Variants in FBXL5 observed in about 807,000 individuals in gnomAD.
FBXL5 encodes F-box/LRR-repeat protein 5.
FBXL5 carries 26 observed loss-of-function variants against 78.3 expected under a neutral mutation model. That is an observed-to-expected ratio of 0.33 (90% confidence interval 0.24 to 0.46). FBXL5 has a LOEUF of 0.46. FBXL5 is among the 20% of genes least tolerant of loss of function. The pLI is 1.00. For missense variants in FBXL5, 710 were observed against 829.2 expected, an observed-to-expected ratio of 0.86 and a Z score of 1.77; for synonymous variants, 295 against 282.5, an observed-to-expected ratio of 1.04 and a Z score of -0.45.
chr4:15,630,459 G>A (rs1045157193), intron 6 of FBXL5, among the ~76,000 whole-genome samples: 2 of 152,042 alleles, frequency 1.3e-5, no homozygotes, highest in African/African-American at 2.4e-5. Flanking sequence ...ATATAAAAAC[G>A]AGAAATAATC....
At chr4:15,636,766 TG>T in intron 4 of FBXL5, 90 bp from the exon 5 acceptor site, 1 of 923,236 alleles carries the variant, frequency 1.1e-6, no homozygotes, top group South Asian at 2.0e-5. Context: ...CAAAATCCAG[TG>T]CCTGAAGTCA....
chr4:15,648,791 C>A (rs1715631668), intron 1 of FBXL5, among the ~76,000 whole-genome samples: 1 of 152,098 alleles, frequency 6.6e-6, no homozygotes, highest in African/African-American at 2.4e-5. Context: ...ATATAAGGTA[C>A]AGTATGGTGA....
chr4:15,645,847 C>T (rs1488797043), intron 1 of FBXL5, among the ~76,000 whole-genome samples: 1 of 152,146 alleles, frequency 6.6e-6, no homozygotes, highest in Admixed American at 6.5e-5. Context: ...ATTAAATATT[C>T]ATTTTTTATA....
intron 1 of FBXL5, among the ~76,000 whole-genome samples, chr4:15,665,010 TGCA>T (rs993206062): frequency 6.6e-6 from 1 of 152,150 alleles, no homozygotes; most frequent in African/African-American, 2.4e-5. Flanking sequence ...CCACCCTTAA[TGCA>T]AAGGGCTTCT....
chr4:15,646,543 T>A (rs1463367473), intron 1 of FBXL5, among the ~76,000 whole-genome samples: 1 of 151,866 alleles, frequency 6.6e-6, no homozygotes, highest in Non-Finnish European at 1.5e-5. Context: ...TGCTAAATAT[T>A]TTTTATTATT....
upstream of FBXL5, among the ~76,000 whole-genome samples, chr4:15,664,183 G>T (rs7665915): frequency 6.6e-6 from 1 of 151,814 alleles, no homozygotes; most frequent in African/African-American, 2.4e-5. Context: ...CCATCACTCA[G>T]TATCTTAATA....
chr4:15,626,937 G>A lies in FBXL5; in HGVS notation c.1060C>T (p.Leu354Phe). The A allele has an allele frequency of 1.9e-6, 3 of 1,610,322 alleles. No homozygotes were observed. In the South Asian group the frequency reaches 3.3e-5, roughly 18 times the overall value. Reference protein sequence around the residue: ...SSKMVRQILELCPNLEHLDLT... With the variant: ...SSKMVRQILEFCPNLEHLDLT... ...TCCAGATGCTCCAGGTTAGGACAAA[G>A]CTCTAAAATCTGCCTAACCTAAAAG... Residue 354 changes from leucine (L) to phenylalanine (F), a missense_variant, in exon 8 of 11, where the codon CTT becomes TTT. By Grantham distance (22) the Leu-to-Phe change is conservative (BLOSUM62 0). Coordinates refer to ENST00000341285, the MANE Select transcript of FBXL5 (RefSeq NM_012161.4).
intron 1 of FBXL5, among the ~76,000 whole-genome samples, chr4:15,670,914 CTTTTTTTTTTTTTTT>C (rs57312794): frequency 1.8e-5 from 1 of 54,144 alleles, no homozygotes; most frequent in Non-Finnish European, 3.1e-5. Flanking sequence ...TGTGCGTAGA[CTTTTTTTTTTTTTTT>C]TTTTTTTTTT....
At chr4:15,622,071 G>A (rs1006371896) in intron 9 of FBXL5, among the ~76,000 whole-genome samples, 1 of 152,180 alleles carries the variant, frequency 6.6e-6, no homozygotes, top group Non-Finnish European at 1.5e-5. Context: ...GGGCTCAAGT[G>A]ATCCTACTGC....
At chr4:15,670,785 A>G (rs1156448688) in intron 1 of FBXL5, among the ~76,000 whole-genome samples, 1 of 151,796 alleles carries the variant, frequency 6.6e-6, no homozygotes, top group Non-Finnish European at 1.5e-5. Flanking sequence ...TCCCTAGTGT[A>G]TTTCTACCTG....
intron 1 of FBXL5, among the ~76,000 whole-genome samples, chr4:15,671,306 C>T (rs574821825): frequency 6.6e-6 from 1 of 152,126 alleles, no homozygotes; most frequent in South Asian, 2.1e-4. Flanking sequence ...CAAATTGTTC[C>T]CTATAAGAAA....
chr4:15,676,462 CTG>C (rs1717995863), intron 1 of FBXL5, among the ~76,000 whole-genome samples: 2 of 152,090 alleles, frequency 1.3e-5, no homozygotes, highest in South Asian at 2.1e-4. Flanking sequence ...AAGGGAGACT[CTG>C]TTATATATTA....
chr4:15,629,435 T>C (rs935764699), intron 6 of FBXL5, among the ~76,000 whole-genome samples: 4 of 152,302 alleles, frequency 2.6e-5, no homozygotes, highest in African/African-American at 9.6e-5. Context: ...AATCGCTCAA[T>C]TTAAAACTGC....
intron 1 of FBXL5, among the ~76,000 whole-genome samples, chr4:15,652,788 G>T (rs78704284): frequency 0.026 from 4,016 of 152,174 alleles, 186 homozygotes; most frequent in East Asian, 0.21. Context: ...TAATAACTGG[G>T]CATTCAGAGC....
chr4:15,648,446 G>A lies in FBXL5; in HGVS notation c.85-3738C>T, dbSNP rs556628996. Among the ~76,000 whole-genome samples, 4 of 152,244 alleles carry A rather than the reference G, an allele frequency of 2.6e-5. No individual in the cohort carries two copies. In the South Asian group the frequency reaches 8.3e-4, roughly 32 times the overall value. On this transcript the variant is annotated intron_variant, in intron 1 of 10. Coordinates refer to ENST00000341285, the MANE Select transcript of FBXL5 (RefSeq NM_012161.4). ...TATCTGCACTCCCATGTTCAATGCA[G>A]CATTATTCATAATAGCCAAGATATG...
chr4:15,634,966 T>C (rs950897947), intron 5 of FBXL5, among the ~76,000 whole-genome samples: 30 of 152,170 alleles, frequency 2.0e-4, no homozygotes, highest in African/African-American at 7.0e-4. Context: ...CAACTAATTA[T>C]TTAGACGATA....
chr4:15,657,395 A>G (rs78358774), upstream of FBXL5, among the ~76,000 whole-genome samples: 1,470 of 152,332 alleles, frequency 9.6e-3, 19 homozygotes, highest in African/African-American at 0.033. Context: ...CATTTTTACT[A>G]ATGTTTAATA....
In FBXL5 at chr4:15,644,622, A is replaced by C; in HGVS notation, c.171T>G (p.His57Gln). 6.2e-7 allele frequency: 1 copy of C among 1,614,064 alleles called. No homozygotes were observed. Among genetic ancestry groups the C allele is most frequent in the Non-Finnish European group, 8.5e-7 (1 of 1,179,934 alleles). The change falls in exon 2 of 11, where the codon CAT (histidine) becomes CAG (glutamine). Residue 57 changes from histidine (H) to glutamine (Q), a missense_variant. This residue lies in a region of FBXL5 where 132 missense variants were observed against 156.9 expected (regional missense o/e 0.84). Transcript: ENST00000341285. ...LYATFKEFKMHEQIENEYIIG... is the reference protein window; with the variant it reads ...LYATFKEFKMQEQIENEYIIG... ...TAATGTATTCATTTTCAATCTGCTC[A>C]TGCATTTTGAACTCCTTGAAAGTAG...
In FBXL5 at chr4:15,625,899, T is replaced by C. The variant is rs1176451117; in HGVS notation, c.1203A>G (p.Leu401=). The change falls in exon 9 of 11, where the codon CTA becomes CTG. Residue 401 remains leucine (L), a synonymous_variant. Coordinates refer to ENST00000341285, the MANE Select transcript of FBXL5 (RefSeq NM_012161.4). ...SGCEKITDVA[L]EKISRALGIL... Reference sequence around the variant, plus strand: ...TTCCAAGAGCTCTGGAAATCTTCTCTAGGGCCACATCTGTGATTTTCTCAC... The same window carrying C: ...TTCCAAGAGCTCTGGAAATCTTCTCCAGGGCCACATCTGTGATTTTCTCAC... The C allele has an allele frequency of 6.2e-7, 1 of 1,614,072 alleles. No homozygotes were observed. Among genetic ancestry groups the C allele is most frequent in the South Asian group, 1.1e-5 (1 of 91,076 alleles).
Sources: gnomAD v4.1 joint callset for allele counts (sites outside exome capture counted in the v4.1 genomes callset) on GRCh38, gnomAD v4.1.1 for gene constraint, gnomAD v4.1.1 regional missense constraint, MANE v1.5 for transcripts, NCBI Gene and HGNC (gene_info 2026-07-23, HGNC 2026-07-21) for gene names.